The following DEPTOR variants were observed in gnomAD, a reference collection of about 807,000 sequenced individuals.
DEPTOR encodes DEP domain containing MTOR interacting protein.
Under a neutral mutation model 41.6 loss-of-function variants are expected in DEPTOR, and 41 were observed. The ratio of observed to expected loss-of-function variants is 0.98; its 90% CI spans 0.77 to 1.28. The LOEUF is 1.28. Among genes scored for constraint, DEPTOR ranks in the 50% most tolerant of loss-of-function variants. The pLI is 0.00. For missense variants in DEPTOR, 514 were observed against 527.9 expected (o/e 0.97, Z 0.26); for synonymous variants, 195 against 192.3 (o/e 1.01, Z -0.12).
chr8:120,048,676 C>T (rs949917694), intron 8 of DEPTOR, among the ~76,000 whole-genome samples: 1 of 151,938 alleles, frequency 6.6e-6, no homozygotes, highest in Admixed American at 6.6e-5. Context: ...TTGCCTGTGA[C>T]CGTGAAAGAA....
At chr8:119,991,781 G>T (rs1040970356) in intron 4 of DEPTOR, among the ~76,000 whole-genome samples, 7 of 152,104 alleles carry the variant, frequency 4.6e-5, no homozygotes, top group African/African-American at 1.7e-4. Context: ...CTTTTCTATT[G>T]TAACTAATTC....
chr8:119,890,248 C>T (rs1827434635), intron 1 of DEPTOR, among the ~76,000 whole-genome samples: 1 of 151,626 alleles, frequency 6.6e-6, no homozygotes, highest in African/African-American at 2.4e-5. Context: ...AGCCATCACG[C>T]CTGGCAAGGT....
chr8:119,916,126 CAGTG>C (rs1026223986), intron 1 of DEPTOR, among the ~76,000 whole-genome samples: 1 of 152,022 alleles, frequency 6.6e-6, no homozygotes, highest in Non-Finnish European at 1.5e-5. Flanking sequence ...CAAAGTTACA[CAGTG>C]AATAACGGGT....
At chr8:119,974,308 C>T (rs948968578) in intron 4 of DEPTOR, among the ~76,000 whole-genome samples, 2 of 149,158 alleles carry the variant, frequency 1.3e-5, no homozygotes, top group Admixed American at 6.7e-5. Context: ...AAGATTACAC[C>T]GAGGAGGAAA....
At chr8:119,922,635 C>T (rs140986777) in intron 1 of DEPTOR, among the ~76,000 whole-genome samples, 3 of 152,284 alleles carry the variant, frequency 2.0e-5, no homozygotes, top group African/African-American at 7.2e-5. Flanking sequence ...TTAGAATTGA[C>T]TGCCTCAGGG....
intron 3 of DEPTOR, among the ~76,000 whole-genome samples, chr8:119,957,620 G>C (rs1001543491): frequency 1.5e-5 from 2 of 135,742 alleles, no homozygotes; most frequent in African/African-American, 5.6e-5. Flanking sequence ...ACAGAGTCTT[G>C]CTCTGTCGCC....
chr8:119,876,660 G>T (rs7007320), intron 1 of DEPTOR, among the ~76,000 whole-genome samples: 3 of 151,258 alleles, frequency 2.0e-5, no homozygotes, highest in African/African-American at 7.3e-5. Flanking sequence ...AGAAGAAGAA[G>T]GATGGGTAAT....
intron 8 of DEPTOR, among the ~76,000 whole-genome samples, chr8:120,030,887 C>A (rs1389549312): frequency 1.3e-5 from 2 of 151,960 alleles, no homozygotes; most frequent in Non-Finnish European, 2.9e-5. Flanking sequence ...CCTCCAGGTT[C>A]ATCAGTTGTA....
At chr8:119,894,922 T>G (rs1234593034) in intron 1 of DEPTOR, among the ~76,000 whole-genome samples, 2 of 152,150 alleles carry the variant, frequency 1.3e-5, no homozygotes, top group African/African-American at 2.4e-5. Context: ...TTGCATACAT[T>G]AGAAGGTAGA....
chr8:119,908,716 C>T (rs1827700478), intron 1 of DEPTOR, among the ~76,000 whole-genome samples: 1 of 151,942 alleles, frequency 6.6e-6, no homozygotes, highest in Admixed American at 6.6e-5. Flanking sequence ...GGCCAGGCTG[C>T]TTGCAGCTCT....
chr8:119,942,592 C>T (rs150349850), intron 3 of DEPTOR, among the ~76,000 whole-genome samples: 15 of 152,244 alleles, frequency 9.9e-5, no homozygotes, highest in African/African-American at 2.2e-4. Flanking sequence ...TGGCTACTTC[C>T]GCCAAGTTTT....
At chr8:119,999,635 G>T (rs936902547) in intron 4 of DEPTOR, among the ~76,000 whole-genome samples, 75 of 152,310 alleles carry the variant, frequency 4.9e-4, no homozygotes, top group African/African-American at 1.8e-3. Context: ...AAATAAATTA[G>T]TAAATAAATA....
intron 1 of DEPTOR, among the ~76,000 whole-genome samples, chr8:119,896,681 A>G (rs10098306): frequency 0.5 from 75,633 of 151,766 alleles, 20,551 homozygotes; most frequent in East Asian, 0.92. Context: ...TATTTTTAGT[A>G]GAGACGAGGT....
intron 3 of DEPTOR, among the ~76,000 whole-genome samples, chr8:119,954,608 A>G (rs1445132940): frequency 3.3e-5 from 5 of 152,116 alleles, no homozygotes; most frequent in Admixed American, 6.6e-5. Flanking sequence ...CCCAGGTTAC[A>G]CAGGGCCTCC....
At chr8:120,034,264 T>TACATACACACAC (rs1554587415) in intron 8 of DEPTOR, among the ~76,000 whole-genome samples, 205 of 145,368 alleles carry the variant, frequency 1.4e-3, no homozygotes, top group Non-Finnish European at 2.5e-3. Flanking sequence ...GCAAAGCATG[T>TACATACACACAC]ACACACACAC....
At position 119,967,403 on chromosome 8, in the gene DEPTOR, C is replaced by T. The variant is rs568783314; in HGVS notation, c.604+1993C>T. ...CTTGGAATGGGAGTCTTATGACCTA[C>T]AGTTAACCAACGTAGGTCAGATAAT... On this transcript the variant is annotated intron_variant, in intron 4 of 8. Coordinates refer to ENST00000286234, the MANE Select transcript of DEPTOR (RefSeq NM_022783.4). Among the ~76,000 whole-genome samples, 17 of 151,770 alleles carry T rather than the reference C, an allele frequency of 1.1e-4. 1 individual carries two copies. The highest frequency in any genetic ancestry group is 1.1e-3 in the Admixed American group (17 of 15,216).
Position 119,874,123 on chromosome 8 carries a change from G to T in DEPTOR, c.122+155G>T, listed in dbSNP as rs554459643. ...CGTGGATGGTCCTCGGTGCGCCCGC[G>T]CTTAGCTGCTGCAGCCTCGGTCCCT... is the stretch of plus-strand genomic sequence containing the variant. On this transcript the variant is annotated intron_variant, in intron 1 of 8. Coordinates refer to ENST00000286234, the MANE Select transcript of DEPTOR (RefSeq NM_022783.4). 4.4e-5 allele frequency: 55 copies of T among 1,251,680 alleles called. 1 individual carries two copies. In the Admixed American group the frequency reaches 1.2e-3, roughly 28 times the overall value. The allele number at this position is 1,251,680 out of a possible 1,614,324, so 77.5% of individuals were successfully genotyped here.
chr8:119,915,125 C>A (rs1827795610), intron 1 of DEPTOR, among the ~76,000 whole-genome samples: 1 of 152,010 alleles, frequency 6.6e-6, no homozygotes, highest in African/African-American at 2.4e-5. Flanking sequence ...TGCCACCACG[C>A]CCAGCTAATT....
intron 4 of DEPTOR, among the ~76,000 whole-genome samples, chr8:119,985,413 G>A (rs911051571): frequency 6.6e-6 from 1 of 151,528 alleles, no homozygotes; most frequent in Non-Finnish European, 1.5e-5. Flanking sequence ...GTTTTTTCTT[G>A]TAAATTTGTT....
Sources: gnomAD v4.1 joint callset for allele counts (sites outside exome capture counted in the v4.1 genomes callset) on GRCh38, gnomAD v4.1.1 for gene constraint, MANE v1.5 for transcripts, NCBI Gene and HGNC (gene_info 2026-07-23, HGNC 2026-07-21) for gene names.